The following ASXL1 variants were observed in gnomAD, a reference collection of about 807,000 sequenced individuals.
The protein encoded by ASXL1 is ASXL transcriptional regulator 1.
ASXL1 carries 65 observed loss-of-function variants against 89.1 expected under a neutral mutation model. The ratio of observed to expected loss-of-function variants is 0.73; its 90% CI spans 0.60 to 0.90. The LOEUF (loss-of-function observed/expected upper bound fraction) is 0.90, where lower values mean the gene tolerates loss of function less well. Among genes scored for constraint, ASXL1 ranks in the 40% least tolerant of loss-of-function variants. The probability of loss-of-function intolerance (pLI) is 0.00; values close to 1 mark genes in which losing one functional copy is unlikely to be tolerated. For missense variants in ASXL1, 1,786 were observed against 1,942.9 expected (o/e 0.92, Z 1.52); for synonymous variants, 739 against 746.9 (o/e 0.99, Z 0.17).
Position 32,436,294 on chromosome 20 carries a change from C to T in ASXL1, c.3582C>T (p.Thr1194=), listed in dbSNP as rs2011867492. ...TGTGLARIEA[T]QAPGAPQKNC... Reference sequence around the variant, plus strand: ...CTGGTCTTGCCAGGATTGAGGCCACCCAGGCTCCTGGAGCACCCCAAAAGA... The same window carrying T: ...CTGGTCTTGCCAGGATTGAGGCCACTCAGGCTCCTGGAGCACCCCAAAAGA... Residue 1194 remains threonine, a synonymous_variant, in exon 13 of 13, where the codon ACC becomes ACT. Coordinates refer to ENST00000375687, the MANE Select transcript of ASXL1 (RefSeq NM_015338.6). 1 of 1,614,052 alleles carries T rather than the reference C, an allele frequency of 6.2e-7. No individual in the cohort carries two copies. The highest frequency in any genetic ancestry group is 8.5e-7 in the Non-Finnish European group (1 of 1,180,042).
chr20:32,432,897 A>G lies in ASXL1; in HGVS notation c.997A>G (p.Met333Val). 1 of 1,614,024 alleles carries G rather than the reference A, an allele frequency of 6.2e-7. No individual in the cohort carries two copies. The highest frequency in any genetic ancestry group is 1.1e-5 in the South Asian group (1 of 91,078). ...RLADGEFTHEMQVRIRQEMEK... is the reference protein window; with the variant it reads ...RLADGEFTHEVQVRIRQEMEK... ...CTCCCTAGGTGAATTTACTCATGAG[A>G]TGCAAGTCAGGATACGACAGGAAAT... The change falls in exon 11 of 13, where the codon ATG becomes GTG. Residue 333 changes from methionine (M) to valine (V), a missense_variant. Physicochemically the swap from Met to Val is conservative, Grantham distance 21. Transcript: ENST00000375687.
At chr20:32,380,942 T>C (rs1215730218) in intron 4 of ASXL1, among the ~76,000 whole-genome samples, 1 of 152,090 alleles carries the variant, frequency 6.6e-6, no homozygotes, top group Admixed American at 6.6e-5. Flanking sequence ...ATGTCACTTT[T>C]CTGCTTGGCC....
Position 32,433,734 on chromosome 20 carries a change from GGAAACTGT to G in ASXL1, c.1538_1545del (p.Glu513GlyfsTer13). 6.2e-7 allele frequency: 1 copy of G among 1,613,776 alleles called. No individual in the cohort carries two copies. Among genetic ancestry groups the G allele is most frequent in the Non-Finnish European group, 8.5e-7 (1 of 1,179,714 alleles). On this transcript the variant is annotated frameshift_variant, in exon 12 of 13. Coordinates refer to ENST00000375687, the MANE Select transcript of ASXL1 (RefSeq NM_015338.6). LOFTEE classifies it high-confidence loss of function. ...CAGACAGAATTCCTAGCCTGCCTCA[GGAAACTGT>G]GGATCAGGAACCCAAGGATCAGAAG... is the stretch of plus-strand genomic sequence containing the variant.
At chr20:32,407,128 G>T (rs2048968372) in intron 4 of ASXL1, among the ~76,000 whole-genome samples, 2 of 152,108 alleles carry the variant, frequency 1.3e-5, no homozygotes, top group East Asian at 1.9e-4. Context: ...GATCACTTTG[G>T]TTTAGGAGTT....
chr20:32,380,847 G>A (rs1355836020), intron 4 of ASXL1, among the ~76,000 whole-genome samples: 1 of 152,206 alleles, frequency 6.6e-6, no homozygotes, highest in Non-Finnish European at 1.5e-5. Context: ...ACAAAATCAT[G>A]GAGCTTATCA....
intron 4 of ASXL1, among the ~76,000 whole-genome samples, chr20:32,404,030 A>G (rs2048915641): frequency 6.6e-6 from 1 of 151,876 alleles, no homozygotes; most frequent in South Asian, 2.1e-4. Context: ...GAATTTTTCA[A>G]CTCTTCCCTT....
intron 4 of ASXL1, among the ~76,000 whole-genome samples, chr20:32,408,061 C>T (rs6141708): frequency 0.35 from 53,282 of 151,858 alleles, 10,445 homozygotes; most frequent in East Asian, 0.74. Flanking sequence ...CCTCAGCCTC[C>T]TGAGTAGCTG....
In ASXL1 at chr20:32,437,174, C is replaced by A. The variant is rs771144822; in HGVS notation, c.4462C>A (p.Leu1488Ile). 1 of 1,613,878 alleles carries A rather than the reference C, an allele frequency of 6.2e-7. No individual in the cohort carries two copies. Among genetic ancestry groups the A allele is most frequent in the Admixed American group, 1.7e-5 (1 of 60,032 alleles). ...CTTTGGTGCGAGCCACAGTGCATCACTTTCCTTGCAAATGTTCACTGACAG... is the reference window on the plus strand; with the variant it reads ...CTTTGGTGCGAGCCACAGTGCATCAATTTCCTTGCAAATGTTCACTGACAG... Reference protein sequence around the residue: ...ANFGASHSASLSLQMFTDSST... With the variant: ...ANFGASHSASISLQMFTDSST... The change falls in exon 13 of 13, where the codon CTT becomes ATT. Residue 1488 changes from leucine to isoleucine, a missense_variant. Around this residue, in one of 3 missense-constraint regions of ASXL1, gnomAD observed 1,418 missense variants for 1,427.8 expected, o/e 0.99. Coordinates refer to ENST00000375687, the MANE Select transcript of ASXL1 (RefSeq NM_015338.6).
intron 4 of ASXL1, among the ~76,000 whole-genome samples, chr20:32,423,157 G>C (rs1310269374): frequency 2.0e-5 from 3 of 152,106 alleles, no homozygotes; most frequent in African/African-American, 7.2e-5. Context: ...GCTAATTGTA[G>C]AATTGGCCTG....
At chr20:32,398,025 G>C (rs570349061) in intron 4 of ASXL1, among the ~76,000 whole-genome samples, 6 of 152,044 alleles carry the variant, frequency 3.9e-5, no homozygotes, top group East Asian at 1.9e-4. Flanking sequence ...CGTATAGATC[G>C]GTTCGTTTGT....
chr20:32,358,874 G>T (rs746263656), intron 1 of ASXL1, 42 bp downstream of exon 1: 120 of 1,452,624 alleles, frequency 8.3e-5, no homozygotes, highest in South Asian at 4.2e-4. Flanking sequence ...GGCCCGGGGT[G>T]GGGGGGGCTC....
At chr20:32,373,057 A>T (rs112548831) in intron 4 of ASXL1, among the ~76,000 whole-genome samples, 4 of 147,422 alleles carry the variant, frequency 2.7e-5, no homozygotes, top group African/African-American at 1.0e-4. Flanking sequence ...GTTTACATGC[A>T]TGAGCCACCT....
At chr20:32,368,763 A>G (rs1310971311) in intron 3 of ASXL1, among the ~76,000 whole-genome samples, 3 of 152,224 alleles carry the variant, frequency 2.0e-5, no homozygotes, top group African/African-American at 4.8e-5. Flanking sequence ...TATATTGTCA[A>G]AAAGCACTGA....
chr20:32,359,353 G>A (rs1411340581), intron 1 of ASXL1: 5 of 702,542 alleles, frequency 7.1e-6, no homozygotes, highest in East Asian at 2.7e-5. Context: ...AGGGAAGCAA[G>A]TGCTTACTCC....
Position 32,368,916 on chromosome 20 carries a change from G to T in ASXL1, c.144-99G>T, listed in dbSNP as rs139922593. The T allele has an allele frequency of 2.8e-5, 26 of 934,670 alleles. No individual in the cohort carries two copies. In the African/African-American group the frequency reaches 4.1e-4, roughly 15 times the overall value. The allele number at this position is 934,670 out of a possible 1,614,324, so 57.9% of individuals were successfully genotyped here. On this transcript the variant is annotated intron_variant, in intron 3 of 12. Coordinates refer to ENST00000375687, the MANE Select transcript of ASXL1 (RefSeq NM_015338.6). ...TGAGATTTTTTCTTCTGTATTTCTT[G>T]CTTAGCTTCTTCTCATTTAAGAATG...
In ASXL1 at chr20:32,389,961, C is replaced by T. The variant is rs2048643800; in HGVS notation, c.252+20838C>T. ...TTTAAAGTTATATTTGGTATTTTAA[C>T]AGTGCTATTTAAATATATGCCATAT... On this transcript the variant is annotated intron_variant, in intron 4 of 12. Transcript: ENST00000375687. Among the ~76,000 whole-genome samples, 3 of 152,336 alleles carry T rather than the reference C, an allele frequency of 2.0e-5. No individual in the cohort carries two copies. The South Asian group carries it at 6.2e-4, about 32-fold the overall frequency.
At chr20:32,375,684 G>GTT (rs199575629) in intron 4 of ASXL1, among the ~76,000 whole-genome samples, 11 of 145,870 alleles carry the variant, frequency 7.5e-5, no homozygotes, top group Admixed American at 2.1e-4. Context: ...TTTTTGTTTT[G>GTT]TTTTGTTTTG....
chr20:32,398,603 G>GTTTTTTTTTT (rs375341392), intron 4 of ASXL1, among the ~76,000 whole-genome samples: 1 of 126,450 alleles, frequency 7.9e-6, no homozygotes. Flanking sequence ...TTTTTTGTTT[G>GTTTTTTTTTT]TTTTTTTTTT....
chr20:32,409,520 C>T (rs1176011497), intron 4 of ASXL1, among the ~76,000 whole-genome samples: 1 of 152,110 alleles, frequency 6.6e-6, no homozygotes, highest in Non-Finnish European at 1.5e-5. Flanking sequence ...CTTTCATAAC[C>T]ACATTGCAAT....
Sources: allele counts gnomAD v4.1 joint callset (sites outside exome capture counted in the v4.1 genomes callset), GRCh38; gene constraint gnomAD v4.1.1; regional missense constraint gnomAD v4.1.1; transcripts MANE v1.5; gene names NCBI Gene and HGNC (gene_info 2026-07-23, HGNC 2026-07-21).